BPI: variants seen among roughly 807,000 people sequenced by gnomAD.
The protein encoded by BPI is bactericidal permeability increasing protein.
Under a neutral mutation model 57.6 loss-of-function variants are expected in BPI, and 48 were observed. The observed-to-expected ratio is 0.83, with a 90% confidence interval of 0.66 to 1.06. The LOEUF (loss-of-function observed/expected upper bound fraction) is 1.06. Among genes scored for constraint, BPI ranks in the 50% least tolerant of loss-of-function variants. BPI has a pLI of 0.00. For missense variants in BPI, 651 were observed against 609.7 expected (o/e 1.07, Z -0.71); for synonymous variants, 237 against 238.2 (o/e 0.99, Z 0.05).
At chr20:38,309,883 G>T (rs1165465114) in intron 3 of BPI, among the ~76,000 whole-genome samples, 1 of 152,080 alleles carries the variant, frequency 6.6e-6, no homozygotes, top group Admixed American at 6.6e-5. Flanking sequence ...CGGATGAAAG[G>T]GGCGTGAGTC....
At chr20:38,306,416 C>T (rs541180397) in intron 1 of BPI, among the ~76,000 whole-genome samples, 10 of 152,196 alleles carry the variant, frequency 6.6e-5, no homozygotes, top group Non-Finnish European at 1.5e-4. Context: ...AAACAGATTG[C>T]TGCTGACTTC....
intron 7 of BPI, 148 bp downstream of exon 7, chr20:38,320,422 T>C: frequency 2.7e-6 from 2 of 731,510 alleles, no homozygotes; most frequent in African/African-American, 3.5e-5. Context: ...CTCTCCCTGC[T>C]CCAGTCACAC....
intron 14 of BPI, 130 bp from the exon 15 acceptor site, chr20:38,337,016 C>CATTAAAAAA: frequency 1.5e-6 from 1 of 685,596 alleles, no homozygotes; most frequent in Non-Finnish European, 2.3e-6. Flanking sequence ...TGAGTGACCC[C>CATTAAAAAA]CACTGGCCCT....
chr20:38,320,106 G>A, intron 6 of BPI, 77 bp from the exon 7 acceptor site: 1 of 1,221,188 alleles, frequency 8.2e-7, no homozygotes, highest in African/African-American at 1.5e-5. Context: ...CAATTTTAGG[G>A]GATTCTGATC....
chr20:38,305,055 C>T (rs1050704536), intron 1 of BPI, among the ~76,000 whole-genome samples: 6 of 152,224 alleles, frequency 3.9e-5, no homozygotes, highest in African/African-American at 1.4e-4. Context: ...TCGATGCTGC[C>T]TCCCGATGGC....
chr20:38,328,666 A>G (rs987330274), intron 11 of BPI, among the ~76,000 whole-genome samples: 34 of 152,204 alleles, frequency 2.2e-4, no homozygotes, highest in East Asian at 7.8e-4. Flanking sequence ...ATAAACACTC[A>G]ATATGCAAGA....
intron 5 of BPI, chr20:38,317,717 A>C (rs1043513434): frequency 9.7e-7 from 1 of 1,036,266 alleles, no homozygotes; most frequent in African/African-American, 1.6e-5. Flanking sequence ...ACATTACAGA[A>C]GAGCAAATGG....
At chr20:38,324,236 A>G (rs187361719) in intron 8 of BPI, among the ~76,000 whole-genome samples, 190 bp downstream of exon 8, 25 of 152,172 alleles carry the variant, frequency 1.6e-4, no homozygotes, top group African/African-American at 5.8e-4. Flanking sequence ...CAATTACTGT[A>G]CCTCTCAGAA....
intron 1 of BPI, among the ~76,000 whole-genome samples, chr20:38,307,151 A>G (rs1237633098): frequency 1.3e-5 from 2 of 152,182 alleles, no homozygotes; most frequent in African/African-American, 4.8e-5. Context: ...GTGAGCCGTG[A>G]TCATGCCTCT....
At chr20:38,309,687 G>A (rs1055447799) in intron 3 of BPI, among the ~76,000 whole-genome samples, 1 of 152,172 alleles carries the variant, frequency 6.6e-6, no homozygotes, top group Non-Finnish European at 1.5e-5. Flanking sequence ...CAATGGCAAG[G>A]GTATGAATGC....
chr20:38,327,584 G>A lies in BPI; in HGVS notation c.1162-4G>A. On this transcript the variant is annotated splice_polypyrimidine_tract_variant and splice_region_variant and intron_variant, in intron 10 of 14. Coordinates refer to ENST00000642449, the MANE Select transcript of BPI (RefSeq NM_001725.3). ...CACTTCACCCTGGGTTGTTGTTTTGGCAGCACACAACTGGTTCCATGGAGG... is the reference window on the plus strand; with the variant it reads ...CACTTCACCCTGGGTTGTTGTTTTGACAGCACACAACTGGTTCCATGGAGG... 3 of 1,612,934 alleles carry A rather than the reference G, an allele frequency of 1.9e-6. No individual in the cohort carries two copies. The East Asian group carries it at 6.7e-5, about 36-fold the overall frequency.
intron 9 of BPI, among the ~76,000 whole-genome samples, chr20:38,325,374 G>T (rs547612922): frequency 6.6e-6 from 1 of 152,342 alleles, no homozygotes; most frequent in Admixed American, 6.5e-5. Context: ...CTCGAGACTG[G>T]AAGTTCAAGG....
intron 7 of BPI, among the ~76,000 whole-genome samples, chr20:38,320,880 T>G (rs1175761030): frequency 7.8e-5 from 2 of 25,732 alleles, no homozygotes. Flanking sequence ...GATGGGTAGG[T>G]GGATGGGTGG....
rs763041129 is a variant in BPI, at chr20:38,309,003, A to G, written c.319A>G (p.Ile107Val). 4.3e-6 allele frequency: 7 copies of G among 1,614,112 alleles called. No individual in the cohort carries two copies. The highest frequency in any genetic ancestry group is 1.1e-5 in the South Asian group (1 of 91,090). ...GCCCAATGTGGGCCTTAAGTTCTCC[A>G]TCAGCAACGCCAATATCAAGATCAG... ...MVPNVGLKFS[I>V]SNANIKISGK... is the part of the protein sequence containing the mutation. The change falls in exon 3 of 15, where the codon ATC becomes GTC. Residue 107 changes from isoleucine (I) to valine (V), a missense_variant. By Grantham distance (29) the Ile-to-Val change is conservative (BLOSUM62 3). Coordinates refer to ENST00000642449, the MANE Select transcript of BPI (RefSeq NM_001725.3).
chr20:38,304,333 C>T lies in BPI; in HGVS notation c.110C>T (p.Ser37Phe). 1.9e-6 allele frequency: 3 copies of T among 1,613,914 alleles called. No individual in the cohort carries two copies. The highest frequency in any genetic ancestry group is 1.1e-5 in the South Asian group (1 of 91,068). Residue 37 changes from serine to phenylalanine, a missense_variant, in exon 1 of 15, where the codon TCC becomes TTC. Coordinates refer to ENST00000642449, the MANE Select transcript of BPI (RefSeq NM_001725.3). ...AACCCTGGCGTCGTGGTCAGGATCT[C>T]CCAGAAGGGCCTGGACTACGGTAAC... ...AVNPGVVVRI[S>F]QKGLDYASQQ...
At chr20:38,319,289 A>G (rs116367752) in intron 6 of BPI, among the ~76,000 whole-genome samples, 1,930 of 152,284 alleles carry the variant, frequency 0.013, 39 homozygotes, top group African/African-American at 0.045. Context: ...AGGCTCAGAG[A>G]GTAGGTGAGA....
Position 38,304,340 on chromosome 20 carries a change from G to A in BPI, c.117G>A (p.Lys39=). 6.2e-7 allele frequency: 1 copy of A among 1,613,716 alleles called. No individual in the cohort carries two copies. Among genetic ancestry groups the A allele is most frequent in the South Asian group, 1.1e-5 (1 of 91,060 alleles). Residue 39 remains lysine (K), a synonymous_variant, in exon 1 of 15, where the codon AAG becomes AAA. Transcript: ENST00000642449. ...GCGTCGTGGTCAGGATCTCCCAGAA[G>A]GGCCTGGACTACGGTAACTGGATGC... ...NPGVVVRISQ[K]GLDYASQQGT... is the part of the protein sequence containing the mutation.
chr20:38,334,533 G>T (rs772487199), intron 13 of BPI, 40 bp downstream of exon 13: 1 of 1,590,862 alleles, frequency 6.3e-7, no homozygotes, highest in East Asian at 2.2e-5. Context: ...TCAGTCATGG[G>T]GGAAGAGGGT....
intron 10 of BPI, 148 bp downstream of exon 10, chr20:38,326,580 T>C: frequency 1.1e-6 from 1 of 941,262 alleles, no homozygotes; most frequent in Non-Finnish European, 1.5e-6. Flanking sequence ...CTGTACTCAA[T>C]GGTGCCGACT....
Sources: gnomAD v4.1 joint callset for allele counts (sites outside exome capture counted in the v4.1 genomes callset) on GRCh38, gnomAD v4.1.1 for gene constraint, MANE v1.5 for transcripts, NCBI Gene and HGNC (gene_info 2026-07-23, HGNC 2026-07-21) for gene names.